CPED1: variants seen among roughly 807,000 people sequenced by gnomAD.
The protein encoded by CPED1 is cadherin-like and PC-esterase domain-containing protein 1.
CPED1 carries 114 observed loss-of-function variants against 128.2 expected under a neutral mutation model. That is an observed-to-expected ratio of 0.89 (90% CI 0.76 to 1.04). The LOEUF (loss-of-function observed/expected upper bound fraction) is 1.04, where lower values mean the gene tolerates loss of function less well. Among genes scored for constraint, CPED1 ranks in the 50% least tolerant of loss-of-function variants. The pLI is 0.00. For synonymous variants in CPED1, 462 were observed against 426.7 expected, an observed-to-expected ratio of 1.08 and a Z score of -1.02; for missense variants, 1,211 against 1,207.1, an observed-to-expected ratio of 1.00 and a Z score of -0.05.
intron 16 of CPED1, among the ~76,000 whole-genome samples, chr7:121,168,941 TCAAA>T (rs1796593612): frequency 1.3e-5 from 2 of 152,282 alleles, no homozygotes; most frequent in South Asian, 2.1e-4. Context: ...AAAGGAAAAA[TCAAA>T]CAAGTTTAGA....
At chr7:121,242,908 C>T (rs900372561) in intron 17 of CPED1, among the ~76,000 whole-genome samples, 54 of 151,966 alleles carry the variant, frequency 3.6e-4, no homozygotes, top group African/African-American at 1.1e-3. Context: ...TAAACTATAT[C>T]ATCTTTCATA....
chr7:121,290,414 C>T (rs1792672850), intron 22 of CPED1, among the ~76,000 whole-genome samples: 1 of 152,202 alleles, frequency 6.6e-6, no homozygotes, highest in South Asian at 2.1e-4. Flanking sequence ...ATAATTTACA[C>T]TCCCACCAAC....
At chr7:121,161,048 C>T (rs1796401839) in intron 16 of CPED1, among the ~76,000 whole-genome samples, 1 of 152,170 alleles carries the variant, frequency 6.6e-6, no homozygotes, top group Non-Finnish European at 1.5e-5. Context: ...ACCCCATTCA[C>T]CACCTCCAAC....
intron 16 of CPED1, among the ~76,000 whole-genome samples, chr7:121,201,177 C>T (rs1797387764): frequency 6.6e-6 from 1 of 152,036 alleles, no homozygotes; most frequent in Non-Finnish European, 1.5e-5. Context: ...AGAAAATGTA[C>T]TTTTCTATCG....
chr7:121,267,086 C>T (rs798917), intron 20 of CPED1, 129 bp from the exon 21 acceptor site: 59,346 of 635,372 alleles, frequency 0.093, 4,723 homozygotes, highest in African/African-American at 0.33. Flanking sequence ...ATATATAAAA[C>T]GAGCATTTAG....
intron 21 of CPED1, among the ~76,000 whole-genome samples, chr7:121,268,570 T>C (rs930515352): frequency 2.0e-5 from 3 of 152,110 alleles, no homozygotes; most frequent in Non-Finnish European, 4.4e-5. Flanking sequence ...TGTGCTCATA[T>C]AGCCATTCAG....
chr7:121,154,952 T>C (rs1563048210), intron 16 of CPED1, among the ~76,000 whole-genome samples: 1 of 152,230 alleles, frequency 6.6e-6, no homozygotes, highest in Non-Finnish European at 1.5e-5. Context: ...ACAGATGACA[T>C]GATCTTATAC....
chr7:121,153,198 GTAATT>G (rs1796198515), intron 16 of CPED1, among the ~76,000 whole-genome samples: 1 of 152,208 alleles, frequency 6.6e-6, no homozygotes, highest in African/African-American at 2.4e-5. Context: ...TAATCATAAT[GTAATT>G]TAATTATTTT....
At chr7:120,995,924 CCTCCTT>C (rs1796391478) in intron 2 of CPED1, among the ~76,000 whole-genome samples, 1 of 143,666 alleles carries the variant, frequency 7.0e-6, no homozygotes, top group Admixed American at 7.2e-5. Context: ...TCCTTCTCCT[CCTCCTT>C]CTCCTCCTCC....
At chr7:121,281,810 T>C (rs1024648466) in intron 22 of CPED1, among the ~76,000 whole-genome samples, 1 of 152,156 alleles carries the variant, frequency 6.6e-6, no homozygotes, top group Non-Finnish European at 1.5e-5. Context: ...AATGTGAACA[T>C]TGCTGTGAGA....
chr7:121,185,263 G>T (rs1187243076), intron 16 of CPED1, among the ~76,000 whole-genome samples: 8 of 152,054 alleles, frequency 5.3e-5, no homozygotes, highest in Non-Finnish European at 7.4e-5. Flanking sequence ...TATAGCAAAT[G>T]CTGTATCTCT....
chr7:121,054,469 C>T (rs953410789), intron 4 of CPED1, among the ~76,000 whole-genome samples: 3 of 152,012 alleles, frequency 2.0e-5, no homozygotes, highest in African/African-American at 7.2e-5. Context: ...TAAAAGTGAA[C>T]GTTTTGTGTG....
chr7:121,141,953 C>G lies in CPED1; in HGVS notation c.1887-20C>G, dbSNP rs1284545433. On this transcript the variant is annotated intron_variant, in intron 15 of 22. Coordinates refer to ENST00000310396, the MANE Select transcript of CPED1 (RefSeq NM_024913.5). ...TCTCCCCTATTCATATTCTATTTCT[C>G]TCTCCCTCTTTCTCTCCAGCTTTGC... 6.2e-7 allele frequency: 1 copy of G among 1,602,428 alleles called. No individual in the cohort carries two copies. Among genetic ancestry groups the G allele is most frequent in the Non-Finnish European group, 8.5e-7 (1 of 1,170,992 alleles).
intron 2 of CPED1, among the ~76,000 whole-genome samples, chr7:121,014,979 A>T (rs541112555): frequency 3.3e-5 from 5 of 152,354 alleles, no homozygotes; most frequent in African/African-American, 1.2e-4. Context: ...TCAATTCAAA[A>T]ATCCCCTTTG....
chr7:121,124,996 C>A (rs141156463), intron 8 of CPED1, among the ~76,000 whole-genome samples: 294 of 152,134 alleles, frequency 1.9e-3, no homozygotes, highest in African/African-American at 6.7e-3. Context: ...TCAATTTAAA[C>A]CTTATCATAA....
At chr7:121,233,475 G>C (rs1299462797) in intron 16 of CPED1, among the ~76,000 whole-genome samples, 1 of 152,006 alleles carries the variant, frequency 6.6e-6, no homozygotes, top group African/African-American at 2.4e-5. Flanking sequence ...CTTGAGCCTG[G>C]GAGTTTGAAG....
At chr7:121,063,148 G>A (rs1292059014) in intron 4 of CPED1, among the ~76,000 whole-genome samples, 1 of 152,160 alleles carries the variant, frequency 6.6e-6, no homozygotes, top group East Asian at 1.9e-4. Context: ...GATCTGGGCT[G>A]AAGTTTTTCC....
intron 5 of CPED1, among the ~76,000 whole-genome samples, chr7:121,086,446 G>A (rs1283989700): frequency 3.9e-5 from 6 of 152,066 alleles, no homozygotes; most frequent in African/African-American, 1.2e-4. Context: ...GCCATTTGTC[G>A]ATAAAAAGCC....
At position 121,104,889 on chromosome 7, in the gene CPED1, A is replaced by G. The variant is rs1584514534; in HGVS notation, c.918+4795A>G. 3.3e-5 allele frequency among the ~76,000 whole-genome samples: 5 copies of G among 152,272 alleles called. 1 individual carries two copies. Among genetic ancestry groups the G allele is most frequent in the Admixed American group, 3.3e-4 (5 of 15,270 alleles). The stretch of plus-strand genomic sequence containing the variant: ...TGATATATACATGATATAGGTAAAT[A>G]TTATACAAATGATCATTTGTTTTCC... On this transcript the variant is annotated intron_variant, in intron 7 of 22. Coordinates refer to ENST00000310396, the MANE Select transcript of CPED1 (RefSeq NM_024913.5).
Sources: gnomAD v4.1 joint callset for allele counts (sites outside exome capture counted in the v4.1 genomes callset) on GRCh38, gnomAD v4.1.1 for gene constraint, MANE v1.5 for transcripts, NCBI Gene and HGNC (gene_info 2026-07-23, HGNC 2026-07-21) for gene names.